The following SLC33A1 variants were observed in gnomAD, a reference collection of about 807,000 sequenced individuals.
The protein encoded by SLC33A1 is acetyl-coenzyme A transporter 1.
Under a neutral mutation model 50.0 loss-of-function variants are expected in SLC33A1, and 20 were observed. The observed-to-expected ratio is 0.40, with a 90% CI of 0.28 to 0.58. The LOEUF (loss-of-function observed/expected upper bound fraction) is 0.58, where lower values mean the gene tolerates loss of function less well. SLC33A1 is among the 20% of genes least tolerant of loss of function. SLC33A1 has a pLI of 0.44. For missense variants in SLC33A1, 476 were observed against 657.0 expected, an observed-to-expected ratio of 0.72 and a Z score of 3.01; for synonymous variants, 265 against 251.8, an observed-to-expected ratio of 1.05 and a Z score of -0.50.
chr3:155,837,156 C>T (rs146982153), intron 2 of SLC33A1, among the ~76,000 whole-genome samples: 1,983 of 151,884 alleles, frequency 0.013, 43 homozygotes, highest in African/African-American at 0.046. Context: ...GTCAGGAGAT[C>T]GAGACCATCC....
chr3:155,847,743 C>T (rs1316016583), intron 1 of SLC33A1, among the ~76,000 whole-genome samples: 2 of 142,754 alleles, frequency 1.4e-5, no homozygotes, highest in African/African-American at 5.7e-5. Context: ...TGCAAAACTC[C>T]GTCTCAAAAA....
At chr3:155,846,785 C>G (rs1158845668) in intron 1 of SLC33A1, among the ~76,000 whole-genome samples, 5 of 151,942 alleles carry the variant, frequency 3.3e-5, no homozygotes, top group Non-Finnish European at 5.9e-5. Flanking sequence ...ACTTGTATTC[C>G]CCCTTCTCAC....
rs1752185405 is a variant in SLC33A1, at chr3:155,825,923, C to T, written c.*2287G>A. On this transcript the variant is annotated 3_prime_UTR_variant, in exon 6 of 6. Transcript: ENST00000643144. ...CCATTAGTGATCAATGTATGCAACA[C>T]AGTTGCACATAGCTATTAACAAGTT... 1 of 152,192 alleles carries T rather than the reference C, an allele frequency of 6.6e-6. No individual in the cohort carries two copies. The highest frequency in any genetic ancestry group is 1.5e-5 in the Non-Finnish European group (1 of 68,034). 9.4% of individuals were successfully genotyped at this position (152,192 alleles called of 1,614,324 possible). A position where few individuals can be genotyped will look rare whatever the true frequency, so the allele number is the denominator to read the frequency against.
At chr3:155,837,311 G>C (rs12492572) in intron 2 of SLC33A1, among the ~76,000 whole-genome samples, 7 of 147,276 alleles carry the variant, frequency 4.8e-5, no homozygotes, top group South Asian at 2.1e-4. Context: ...AGCCGAGATC[G>C]CGCCACTGCA....
chr3:155,822,089 T>C lies in SLC33A1; in HGVS notation c.*6121A>G, dbSNP rs930874308. 12 of 152,154 alleles carry C rather than the reference T, an allele frequency of 7.9e-5. No homozygotes were observed. The highest frequency in any genetic ancestry group is 2.7e-4 in the African/African-American group (11 of 41,428). The allele number at this position is 152,154 out of a possible 1,614,324, so 9.4% of individuals were successfully genotyped here. A position where few individuals can be genotyped will look rare whatever the true frequency, so the allele number is the denominator to read the frequency against. Reference sequence around the variant, plus strand: ...CACCTGGTTCAAATATGCCACTTTCTTAAATATCAAATTTTTTTCCAATCT... The same window carrying C: ...CACCTGGTTCAAATATGCCACTTTCCTAAATATCAAATTTTTTTCCAATCT... On this transcript the variant is annotated 3_prime_UTR_variant, in exon 6 of 6. Coordinates refer to ENST00000643144, the MANE Select transcript of SLC33A1 (RefSeq NM_004733.4).
chr3:155,829,584 G>A (rs1752328128), intron 5 of SLC33A1, 104 bp downstream of exon 5: 1 of 826,238 alleles, frequency 1.2e-6, no homozygotes, highest in Non-Finnish European at 2.0e-6. Flanking sequence ...AGAACCTATG[G>A]ACAGATATGA....
rs1752175767 is a variant in SLC33A1, at chr3:155,825,306, T to C, written c.*2904A>G. ...CTGGGACTACTGGTGTGTACCACCA[T>C]GCCTGGATAATTAAAAAAAAAAAAG... is the stretch of plus-strand genomic sequence containing the variant. On this transcript the variant is annotated 3_prime_UTR_variant, in exon 6 of 6. Coordinates refer to ENST00000643144, the MANE Select transcript of SLC33A1 (RefSeq NM_004733.4). 6.6e-6 allele frequency: 1 copy of C among 151,688 alleles called. No individual in the cohort carries two copies. Among genetic ancestry groups the C allele is most frequent in the African/African-American group, 2.4e-5 (1 of 41,270 alleles). The allele number at this position is 151,688 out of a possible 1,614,324, so 9.4% of individuals were successfully genotyped here. A position where few individuals can be genotyped will look rare whatever the true frequency, so the allele number is the denominator to read the frequency against.
At position 155,827,860 on chromosome 3, in the gene SLC33A1, T is replaced by A. The variant is rs1455884980; in HGVS notation, c.*350A>T. ...AATTTTAAATACAGCTCAGCAGTGA[T>A]AGGTACTAATAACAATACCTGACTA... On this transcript the variant is annotated 3_prime_UTR_variant, in exon 6 of 6. Coordinates refer to ENST00000643144, the MANE Select transcript of SLC33A1 (RefSeq NM_004733.4). 1 of 212,292 alleles carries A rather than the reference T, an allele frequency of 4.7e-6. No homozygotes were observed. Among genetic ancestry groups the A allele is most frequent in the Non-Finnish European group, 9.5e-6 (1 of 105,302 alleles). 13.2% of individuals were successfully genotyped at this position (212,292 alleles called of 1,614,324 possible).
intron 1 of SLC33A1, among the ~76,000 whole-genome samples, chr3:155,849,921 T>G (rs1266280387): frequency 1.9e-5 from 2 of 106,256 alleles, no homozygotes; most frequent in Non-Finnish European, 3.1e-5. Context: ...ATAATAATAA[T>G]AATAATAATA....
At chr3:155,832,072 C>T (rs1324776155) in intron 4 of SLC33A1, among the ~76,000 whole-genome samples, 1 of 152,200 alleles carries the variant, frequency 6.6e-6, no homozygotes, top group Non-Finnish European at 1.5e-5. Context: ...TCACTTGCAT[C>T]CAGAACAAAA....
At chr3:155,840,086 T>C (rs1053889069) in intron 2 of SLC33A1, among the ~76,000 whole-genome samples, 3 of 151,912 alleles carry the variant, frequency 2.0e-5, no homozygotes, top group African/African-American at 4.8e-5. Flanking sequence ...TTTTTTTTAA[T>C]TAATTTATTT....
rs6441013 is a variant in SLC33A1, at chr3:155,821,612, C to A, written c.*6598G>T. 29,786 of 150,144 alleles carry A rather than the reference C, an allele frequency of 0.2. 7,448 individuals are homozygous for A. The highest frequency in any genetic ancestry group is 0.58 in the African/African-American group (23,861 of 40,894). 9.3% of individuals were successfully genotyped at this position (150,144 alleles called of 1,614,324 possible). ...CTCCCGAGTAGATGGGATTACAGAC[C>A]TGGGCCACCACACCCGGCTAATTTT... On this transcript the variant is annotated 3_prime_UTR_variant, in exon 6 of 6. Coordinates refer to ENST00000643144, the MANE Select transcript of SLC33A1 (RefSeq NM_004733.4).
chr3:155,831,420 T>C (rs1210627234), intron 4 of SLC33A1, among the ~76,000 whole-genome samples: 2 of 119,016 alleles, frequency 1.7e-5, no homozygotes, highest in African/African-American at 6.4e-5. Flanking sequence ...ATTGTGCCAC[T>C]GCACTCCAGC....
chr3:155,836,668 G>A (rs537126644), intron 2 of SLC33A1, among the ~76,000 whole-genome samples: 1 of 152,128 alleles, frequency 6.6e-6, no homozygotes, highest in Non-Finnish European at 1.5e-5. Flanking sequence ...AGGATGAGGC[G>A]GGAGGATTGC....
rs193088502 is a variant in SLC33A1, at chr3:155,838,394, G to A, written c.963+4038C>T. ...TCTACAGAAAATGTAAAAATTAGCT[G>A]GGTGGGTCAGGCGTGGTGGCTCACG... On this transcript the variant is annotated intron_variant, in intron 2 of 5. Transcript: ENST00000643144. 5.3e-4 allele frequency among the ~76,000 whole-genome samples: 80 copies of A among 151,852 alleles called. 1 individual carries two copies. The highest frequency in any genetic ancestry group is 3.8e-3 in the Admixed American group (58 of 15,240).
intron 1 of SLC33A1, among the ~76,000 whole-genome samples, chr3:155,850,544 T>C (rs1753356603): frequency 6.6e-6 from 1 of 152,204 alleles, no homozygotes. Context: ...AGTTATTATA[T>C]TTATACTCCC....
intron 2 of SLC33A1, among the ~76,000 whole-genome samples, chr3:155,839,167 T>C (rs1428460879): frequency 6.6e-6 from 1 of 150,676 alleles, no homozygotes; most frequent in Non-Finnish European, 1.5e-5. Context: ...CCAGGCATGG[T>C]GGTGCATGCC....
chr3:155,831,284 C>T (rs1027621749), intron 4 of SLC33A1, among the ~76,000 whole-genome samples: 4 of 151,286 alleles, frequency 2.6e-5, no homozygotes, highest in African/African-American at 7.3e-5. Flanking sequence ...TGGTAAAACC[C>T]GTCTCTACTA....
chr3:155,841,734 T>TTTTATTTATTTA (rs548569925), intron 2 of SLC33A1, among the ~76,000 whole-genome samples: 2 of 151,720 alleles, frequency 1.3e-5, no homozygotes, highest in African/African-American at 4.8e-5. Context: ...TTCTATATCT[T>TTTTATTTATTTA]TTTATTTATT....
Sources: allele counts gnomAD v4.1 joint callset (sites outside exome capture counted in the v4.1 genomes callset), GRCh38; gene constraint gnomAD v4.1.1; transcripts MANE v1.5; gene names NCBI Gene and HGNC (gene_info 2026-07-23, HGNC 2026-07-21).